Variants in SHTN1 observed in about 807,000 individuals in gnomAD.
SHTN1 encodes shootin 1, also known as shootin-1.
SHTN1 carries 42 observed loss-of-function variants against 83.1 expected under a neutral mutation model. The observed-to-expected ratio is 0.51, with a 90% CI of 0.39 to 0.65. The LOEUF (loss-of-function observed/expected upper bound fraction) is 0.65, where lower values mean the gene tolerates loss of function less well. Ranked by LOEUF, SHTN1 falls within the 30% of genes least tolerant of loss-of-function variation. SHTN1 has a pLI of 0.00. For synonymous variants in SHTN1, 224 were observed against 247.7 expected (o/e 0.90, Z 0.90); for missense variants, 622 against 737.8 (o/e 0.84, Z 1.82).
chr10:116,944,841 A>T (rs1195213000), intron 8 of SHTN1, 83 bp downstream of exon 8: 2 of 838,594 alleles, frequency 2.4e-6, no homozygotes, highest in Non-Finnish European at 4.0e-6. Flanking sequence ...CAGTGAGCCG[A>T]GATTGCGCCA....
chr10:117,003,203 G>A (rs1235167299), intron 1 of SHTN1, among the ~76,000 whole-genome samples: 1 of 151,792 alleles, frequency 6.6e-6, no homozygotes, highest in Non-Finnish European at 1.5e-5. Flanking sequence ...TCTAGAATAT[G>A]AATCAAGTTT....
chr10:117,042,669 G>A (rs1852601795), intron 2 of SHTN1, among the ~76,000 whole-genome samples: 1 of 151,764 alleles, frequency 6.6e-6, no homozygotes, highest in Non-Finnish European at 1.5e-5. Flanking sequence ...AGGCTGGAGT[G>A]CAGTGGTGCA....
intron 8 of SHTN1, among the ~76,000 whole-genome samples, chr10:116,944,497 T>C (rs1175885268): frequency 6.6e-6 from 1 of 152,212 alleles, no homozygotes; most frequent in Admixed American, 6.5e-5. Context: ...ATTCTATATC[T>C]GCCTCCCTAA....
chr10:117,075,292 G>A (rs918716123), intron 1 of SHTN1, among the ~76,000 whole-genome samples: 2 of 152,060 alleles, frequency 1.3e-5, no homozygotes, highest in Non-Finnish European at 2.9e-5. Flanking sequence ...GTTCATTCCT[G>A]CCCTGAGTTT....
At chr10:116,975,944 T>C (rs1357531349) in intron 2 of SHTN1, among the ~76,000 whole-genome samples, 1 of 152,210 alleles carries the variant, frequency 6.6e-6, no homozygotes, top group Non-Finnish European at 1.5e-5. Flanking sequence ...TCGGGTCTGA[T>C]AATTTGCTGT....
At chr10:117,041,137 T>C (rs891441810) in intron 2 of SHTN1, among the ~76,000 whole-genome samples, 1 of 151,918 alleles carries the variant, frequency 6.6e-6, no homozygotes, top group East Asian at 1.9e-4. Context: ...TTAAAATGTT[T>C]TGTGTTACTT....
At chr10:117,053,049 G>A (rs1279842499) in intron 1 of SHTN1, among the ~76,000 whole-genome samples, 1 of 111,034 alleles carries the variant, frequency 9.0e-6, no homozygotes, top group Non-Finnish European at 2.1e-5. Context: ...AATTAAGTTG[G>A]ACCCTTACGT....
At chr10:117,043,164 C>T (rs989360052) in intron 2 of SHTN1, among the ~76,000 whole-genome samples, 52 of 150,804 alleles carry the variant, frequency 3.4e-4, no homozygotes, top group African/African-American at 1.1e-3. Flanking sequence ...AATGGAGTCT[C>T]GCTCTGTCGC....
chr10:116,930,042 A>G (rs748114310), intron 9 of SHTN1, 40 bp from the exon 10 acceptor site: 1 of 1,380,108 alleles, frequency 7.2e-7, no homozygotes, highest in South Asian at 1.4e-5. Context: ...TATGGCTGAC[A>G]GTTTTTCCTT....
intron 1 of SHTN1, among the ~76,000 whole-genome samples, chr10:117,049,763 A>G (rs1852714958): frequency 6.6e-6 from 1 of 152,228 alleles, no homozygotes. Flanking sequence ...ATTAAGGGCC[A>G]TTAGACTAGG....
intron 1 of SHTN1, among the ~76,000 whole-genome samples, chr10:117,002,652 A>AAGCC (rs1851864487): frequency 4.6e-5 from 7 of 152,314 alleles, no homozygotes; most frequent in African/African-American, 1.7e-4. Context: ...TAGCTTCCCA[A>AAGCC]TTAGTTCTAC....
intron 2 of SHTN1, among the ~76,000 whole-genome samples, chr10:117,044,749 T>G (rs1402102958): frequency 6.6e-6 from 1 of 152,152 alleles, no homozygotes; most frequent in East Asian, 1.9e-4. Context: ...ACACCTATGT[T>G]GAAGTGAAAA....
At chr10:116,961,885 T>C (rs755648348) in intron 3 of SHTN1, among the ~76,000 whole-genome samples, 36 of 152,226 alleles carry the variant, frequency 2.4e-4, no homozygotes, top group Admixed American at 6.5e-5. Flanking sequence ...GTATCAGCAC[T>C]GCTGACAGAG....
intron 10 of SHTN1, among the ~76,000 whole-genome samples, chr10:116,929,511 A>C (rs1348324620): frequency 1.3e-5 from 2 of 152,204 alleles, no homozygotes; most frequent in African/African-American, 2.4e-5. Flanking sequence ...TAAGTGAACA[A>C]AATAAAGTAC....
chr10:117,094,093 T>C (rs1853472828), intron 1 of SHTN1, among the ~76,000 whole-genome samples: 1 of 152,104 alleles, frequency 6.6e-6, no homozygotes, highest in South Asian at 2.1e-4. Context: ...ACAGAGTATC[T>C]CTCCTCCTGG....
chr10:117,050,677 C>T (rs1757990722), intron 1 of SHTN1, among the ~76,000 whole-genome samples: 1 of 151,254 alleles, frequency 6.6e-6, no homozygotes, highest in South Asian at 2.1e-4. Flanking sequence ...ACAAAATGGA[C>T]AAACCTTAGC....
intron 1 of SHTN1, among the ~76,000 whole-genome samples, chr10:117,063,366 C>T (rs1378080355): frequency 6.6e-6 from 1 of 152,202 alleles, no homozygotes; most frequent in Admixed American, 6.5e-5. Context: ...CTCTGCTCCA[C>T]GGTTTCACCA....
chr10:116,960,454 A>C (rs1039088973), intron 3 of SHTN1: 1 of 399,360 alleles, frequency 2.5e-6, no homozygotes, highest in African/African-American at 2.0e-5. Context: ...TTTCACATAC[A>C]TACATTTTAT....
intron 14 of SHTN1, among the ~76,000 whole-genome samples, chr10:116,910,026 AAC>A (rs1848128157): frequency 6.6e-6 from 1 of 152,164 alleles, no homozygotes; most frequent in Admixed American, 6.5e-5. Flanking sequence ...CAATAATCCT[AAC>A]AGTCTGAACT....
Sources: gnomAD v4.1 joint callset for allele counts (sites outside exome capture counted in the v4.1 genomes callset) on GRCh38, gnomAD v4.1.1 for gene constraint, MANE v1.5 for transcripts, NCBI Gene and HGNC (gene_info 2026-07-23, HGNC 2026-07-21) for gene names.